DUSP14: variants seen among roughly 807,000 people sequenced by gnomAD.
DUSP14 encodes dual specificity phosphatase 14.
DUSP14 carries 5 observed loss-of-function variants against 13.2 expected under a neutral mutation model. That is an observed-to-expected ratio of 0.38 (90% CI 0.20 to 0.80). The LOEUF is 0.80. Among genes scored for constraint, DUSP14 ranks in the 30% least tolerant of loss-of-function variants. The pLI, the probability that DUSP14 is intolerant of heterozygous loss-of-function variation, is 0.44. For missense variants in DUSP14, 185 were observed against 264.0 expected, an observed-to-expected ratio of 0.70 and a Z score of 2.07; for synonymous variants, 91 against 103.4, an observed-to-expected ratio of 0.88 and a Z score of 0.73.
intron 1 of DUSP14, among the ~76,000 whole-genome samples, chr17:37,508,322 A>C (rs903197641): frequency 5.3e-5 from 8 of 151,944 alleles, no homozygotes; most frequent in African/African-American, 1.9e-4. Flanking sequence ...TTCCAGCCCC[A>C]CTCTGGAGGG....
At chr17:37,509,117 A>ATGTATG (rs1315485762) in intron 1 of DUSP14, among the ~76,000 whole-genome samples, 2 of 40,832 alleles carry the variant, frequency 4.9e-5, no homozygotes, top group African/African-American at 1.1e-4. Context: ...ATATATATAT[A>ATGTATG]TATATATATA....
In DUSP14 at chr17:37,495,508, G is replaced by A. The variant is rs115231081; in HGVS notation, c.-181+5550G>A. On this transcript the variant is annotated intron_variant, in intron 1 of 2. Coordinates refer to ENST00000617516, the MANE Select transcript of DUSP14 (RefSeq NM_007026.4). ...TGTTTTGACTCCTATGTCTTTGAGT[G>A]TGTGGGTACATATGAGAAAACTCCC... Among the ~76,000 whole-genome samples, 1,068 of 152,250 alleles carry A rather than the reference G, an allele frequency of 7.0e-3. 5 individuals carry two copies. Among genetic ancestry groups the A allele is most frequent in the African/African-American group, 0.024 (1,002 of 41,534 alleles).
chr17:37,495,646 GTTTTGTTTT>G (rs1036767698), intron 1 of DUSP14, among the ~76,000 whole-genome samples: 14 of 134,768 alleles, frequency 1.0e-4, no homozygotes, highest in African/African-American at 3.3e-4. Context: ...CTTGCTTTAA[GTTTTGTTTT>G]TTTTGTTTTT....
rs2054204708 is a variant in DUSP14 at position 37,512,989 on chromosome 17, A to G, written c.*120A>G. On this transcript the variant is annotated 3_prime_UTR_variant, in exon 3 of 3. Transcript: ENST00000617516. This position sits in a 1 kb window ranked among gnomAD's most constrained non-coding sequence, Gnocchi z 4.8. ...TGGTTCTCCCTCAAGTGTTTTTTAC[A>G]CTGGGTGTTCAAATTTATTTTAAGA... 2 of 820,462 alleles carry G rather than the reference A, an allele frequency of 2.4e-6. No individual in the cohort carries two copies. The allele number at this position is 820,462 out of a possible 1,614,324, so 50.8% of individuals were successfully genotyped here.
At position 37,512,402 on chromosome 17, in the gene DUSP14, A is replaced by C. The variant is rs1483145298; in HGVS notation, c.130A>C (p.Asn44His). Residue 44 changes from asparagine (N) to histidine (H), a missense_variant, in exon 3 of 3, where the codon AAT becomes CAT. Transcript: ENST00000617516. This position sits in a 1 kb window ranked among gnomAD's most constrained non-coding sequence, Gnocchi z 4.8. ...LFLGRGSVAS[N>H]RHLLQARGIT... is the part of the protein sequence containing the mutation. ...CCTGGGCAGAGGCAGTGTGGCCTCCAATCGGCACCTCCTCCAGGCTCGTGG... is the reference window on the plus strand; with the variant it reads ...CCTGGGCAGAGGCAGTGTGGCCTCCCATCGGCACCTCCTCCAGGCTCGTGG... 1 of 1,614,202 alleles carries C rather than the reference A, an allele frequency of 6.2e-7. No individual in the cohort carries two copies. The highest frequency in any genetic ancestry group is 8.5e-7 in the Non-Finnish European group (1 of 1,180,038).
chr17:37,509,137 A>ATATATATATATATGTG (rs1568204463), intron 1 of DUSP14, among the ~76,000 whole-genome samples: 1 of 46,442 alleles, frequency 2.2e-5, no homozygotes, highest in East Asian at 9.6e-4. Context: ...ATACACACAC[A>ATATATATATATATGTG]CACACACACA....
In DUSP14 at chr17:37,512,904, G is replaced by A. The variant is rs1020211856; in HGVS notation, c.*35G>A. 3 of 1,539,856 alleles carry A rather than the reference G, an allele frequency of 1.9e-6. No individual in the cohort carries two copies. The highest frequency in any genetic ancestry group is 1.4e-5 in the African/African-American group (1 of 73,186). On this transcript the variant is annotated 3_prime_UTR_variant, in exon 3 of 3. Coordinates refer to ENST00000617516, the MANE Select transcript of DUSP14 (RefSeq NM_007026.4). This position sits in a 1 kb window ranked among gnomAD's most constrained non-coding sequence, Gnocchi z 4.8. Reference sequence around the variant, plus strand: ...AGCCTGCGTCAGCAGCCCGAGCGGGGCCGGCATCTGCTCCCCGCCGTCTGC... The same window carrying A: ...AGCCTGCGTCAGCAGCCCGAGCGGGACCGGCATCTGCTCCCCGCCGTCTGC...
At chr17:37,500,994 AT>A (rs2054101455) in intron 1 of DUSP14, among the ~76,000 whole-genome samples, 1 of 151,838 alleles carries the variant, frequency 6.6e-6, no homozygotes, top group Admixed American at 6.6e-5. Context: ...GGATGGATCC[AT>A]TGTGGTCCAA....
intron 1 of DUSP14, 65 bp downstream of exon 1, chr17:37,490,023 G>A (rs2054015945): frequency 6.9e-6 from 1 of 145,452 alleles, no homozygotes; most frequent in South Asian, 2.2e-4. Context: ...GCGGGAGGGC[G>A]GGACTTCGCG....
At chr17:37,501,111 T>G (rs1036213194) in intron 1 of DUSP14, among the ~76,000 whole-genome samples, 2 of 152,098 alleles carry the variant, frequency 1.3e-5, no homozygotes, top group African/African-American at 4.8e-5. Context: ...TAACCTCCAT[T>G]TACCTCTGAT....
chr17:37,492,758 A>G (rs1190409802), intron 1 of DUSP14, among the ~76,000 whole-genome samples: 1 of 152,208 alleles, frequency 6.6e-6, no homozygotes, highest in Non-Finnish European at 1.5e-5. Flanking sequence ...TATTTTAACG[A>G]AAACATAAGT....
At chr17:37,507,513 C>T (rs1251672205) in intron 1 of DUSP14, among the ~76,000 whole-genome samples, 8 of 152,186 alleles carry the variant, frequency 5.3e-5, no homozygotes, top group South Asian at 2.1e-4. Context: ...AGTGCAATGG[C>T]GCGATCTCAG....
At chr17:37,498,676 G>GTT (rs58904773) in intron 1 of DUSP14, among the ~76,000 whole-genome samples, 14,192 of 145,482 alleles carry the variant, frequency 0.098, 767 homozygotes, top group Middle Eastern at 0.21. Context: ...AAAGTAATCA[G>GTT]TTTTTTTTTT....
chr17:37,490,118 C>T (rs901721146), intron 1 of DUSP14, among the ~76,000 whole-genome samples, 160 bp downstream of exon 1: 2 of 151,518 alleles, frequency 1.3e-5, no homozygotes, highest in Non-Finnish European at 3.0e-5. Flanking sequence ...CACCTGCTCC[C>T]TGGCGGTCCT....
intron 1 of DUSP14, among the ~76,000 whole-genome samples, chr17:37,505,399 T>C (rs2054131580): frequency 6.6e-6 from 1 of 152,158 alleles, no homozygotes; most frequent in South Asian, 2.1e-4. Context: ...ACATTTACTT[T>C]ATTAGAAGGA....
chr17:37,507,047 T>C (rs1327255087), intron 1 of DUSP14, among the ~76,000 whole-genome samples: 1 of 152,212 alleles, frequency 6.6e-6, no homozygotes, highest in Non-Finnish European at 1.5e-5. Context: ...GGACTTGAGC[T>C]AGAAATCCGG....
upstream of DUSP14, among the ~76,000 whole-genome samples, chr17:37,489,554 C>A (rs2054010314): frequency 6.6e-6 from 1 of 152,152 alleles, no homozygotes; most frequent in East Asian, 1.9e-4. Context: ...CCCAGCAGAG[C>A]GCCCCCGCAG....
chr17:37,506,438 A>C (rs1036919622), intron 1 of DUSP14, among the ~76,000 whole-genome samples: 2 of 152,136 alleles, frequency 1.3e-5, no homozygotes, highest in Non-Finnish European at 2.9e-5. Flanking sequence ...CATCTTGGGA[A>C]GGCCAAGTTG....
At chr17:37,511,920 C>T (rs2054189649) in intron 2 of DUSP14, among the ~76,000 whole-genome samples, 1 of 42,784 alleles carries the variant, frequency 2.3e-5, no homozygotes, top group Non-Finnish European at 4.6e-5. Flanking sequence ...CATGCCCAGC[C>T]ACCCCCCCCC....
Sources: gnomAD v4.1 joint callset for allele counts (sites outside exome capture counted in the v4.1 genomes callset) on GRCh38, gnomAD v4.1.1 for gene constraint, Gnocchi (gnomAD v3.1) non-coding constraint, MANE v1.5 for transcripts, NCBI Gene and HGNC (gene_info 2026-07-23, HGNC 2026-07-21) for gene names.